ZCCHC7: variants seen among roughly 807,000 people sequenced by gnomAD.
The protein encoded by ZCCHC7 is zinc finger CCHC-type containing 7.
Under a neutral mutation model 52.0 loss-of-function variants are expected in ZCCHC7, and 35 were observed. The ratio of observed to expected loss-of-function variants is 0.67; its 90% CI spans 0.51 to 0.89. The LOEUF (loss-of-function observed/expected upper bound fraction) is 0.89. Among genes scored for constraint, ZCCHC7 ranks in the 40% least tolerant of loss-of-function variants. The pLI, the probability that ZCCHC7 is intolerant of heterozygous loss-of-function variation, is 0.00. For synonymous variants in ZCCHC7, 217 were observed against 221.5 expected (o/e 0.98, Z 0.18); for missense variants, 574 against 649.1 (o/e 0.88, Z 1.26).
rs1842560909 is a variant in ZCCHC7 at position 37,126,908 on chromosome 9, C to G, written c.576C>G (p.Leu192=). ...EVDDKDDDIL[L]NLVGCENSVT... ...ATGATAAAGATGATGATATCCTTCT[C>G]AACCTTGTGGGATGTGAAAACTCTG... The change falls in exon 2 of 9, where the codon CTC becomes CTG. Residue 192 remains leucine (L), a synonymous_variant. Coordinates refer to ENST00000336755, the MANE Select transcript of ZCCHC7 (RefSeq NM_032226.3). 1 of 1,613,866 alleles carries G rather than the reference C, an allele frequency of 6.2e-7. No homozygotes were observed. Among genetic ancestry groups the G allele is most frequent in the African/African-American group, 1.3e-5 (1 of 74,926 alleles).
chr9:37,308,548 G>A (rs745639605), intron 5 of ZCCHC7, among the ~76,000 whole-genome samples: 2 of 151,924 alleles, frequency 1.3e-5, no homozygotes, highest in Non-Finnish European at 2.9e-5. Flanking sequence ...TCTTGATTTT[G>A]GCCTCTAATA....
intron 2 of ZCCHC7, among the ~76,000 whole-genome samples, chr9:37,151,832 A>C (rs942208453): frequency 6.6e-6 from 1 of 151,956 alleles, no homozygotes; most frequent in African/African-American, 2.4e-5. Flanking sequence ...TTTTTCTTCG[A>C]CTCTAAGATG....
intron 2 of ZCCHC7, among the ~76,000 whole-genome samples, chr9:37,176,042 A>G (rs1822007173): frequency 6.6e-6 from 1 of 151,442 alleles, no homozygotes; most frequent in Admixed American, 6.6e-5. Flanking sequence ...ATATTTCTTA[A>G]GCCTCATTTG....
At chr9:37,193,925 C>A (rs1823149985) in intron 2 of ZCCHC7, among the ~76,000 whole-genome samples, 5 of 152,112 alleles carry the variant, frequency 3.3e-5, no homozygotes, top group Admixed American at 3.3e-4. Flanking sequence ...AACCTGATAT[C>A]CTCATCTTTA....
chr9:37,191,881 C>T (rs1447248931), intron 2 of ZCCHC7, among the ~76,000 whole-genome samples: 2 of 152,188 alleles, frequency 1.3e-5, no homozygotes, highest in African/African-American at 2.4e-5. Flanking sequence ...CTAAATTGCT[C>T]CATCTTGTGA....
At chr9:37,336,473 G>A (rs1830666895) in intron 6 of ZCCHC7, among the ~76,000 whole-genome samples, 1 of 152,104 alleles carries the variant, frequency 6.6e-6, no homozygotes, top group African/African-American at 2.4e-5. Flanking sequence ...GTATTACAGT[G>A]GAATAAGCAG....
At chr9:37,143,105 A>AT (rs966755586) in intron 2 of ZCCHC7, among the ~76,000 whole-genome samples, 14 of 149,728 alleles carry the variant, frequency 9.4e-5, no homozygotes, top group Admixed American at 4.0e-4. Context: ...TTGTCAGACA[A>AT]TTTTTTTTTT....
At chr9:37,327,650 A>G in intron 5 of ZCCHC7, 149 bp from the exon 6 acceptor site, 2 of 691,550 alleles carry the variant, frequency 2.9e-6, no homozygotes, top group Non-Finnish European at 4.9e-6. Flanking sequence ...CTGTCTAGCC[A>G]GGTTTTTGAA....
intron 5 of ZCCHC7, among the ~76,000 whole-genome samples, chr9:37,322,003 A>G (rs1830073508): frequency 6.6e-6 from 1 of 152,186 alleles, no homozygotes; most frequent in Non-Finnish European, 1.5e-5. Context: ...GAGGGATGCC[A>G]TCAACATTAG....
intron 2 of ZCCHC7, among the ~76,000 whole-genome samples, chr9:37,179,054 GCATCTTTT>G: frequency 6.6e-6 from 1 of 152,048 alleles, no homozygotes. Flanking sequence ...TGTACTGTTT[GCATCTTTT>G]CCGTAGTATC....
intron 2 of ZCCHC7, among the ~76,000 whole-genome samples, chr9:37,236,274 T>C (rs576854948): frequency 2.0e-5 from 3 of 152,336 alleles, no homozygotes; most frequent in Admixed American, 6.5e-5. Context: ...TGTGGGAAGA[T>C]AACTTTATTG....
At chr9:37,175,604 G>T (rs1225646396) in intron 2 of ZCCHC7, among the ~76,000 whole-genome samples, 1 of 151,916 alleles carries the variant, frequency 6.6e-6, no homozygotes, top group East Asian at 1.9e-4. Context: ...GGGTGTGGTG[G>T]TGCTCGCCTG....
At chr9:37,216,412 C>G (rs987032520) in intron 2 of ZCCHC7, among the ~76,000 whole-genome samples, 2 of 152,162 alleles carry the variant, frequency 1.3e-5, no homozygotes, top group Non-Finnish European at 2.9e-5. Context: ...CGGTGGCTCA[C>G]GCCTGTAATC....
At chr9:37,249,693 CCCTCCTCGG>C (rs1284635637) in intron 2 of ZCCHC7, among the ~76,000 whole-genome samples, 4 of 152,032 alleles carry the variant, frequency 2.6e-5, no homozygotes, top group Non-Finnish European at 5.9e-5. Context: ...TCTTGATCTG[CCCTCCTCGG>C]CCTCCCAAAA....
chr9:37,269,617 T>TA (rs1430886193), intron 2 of ZCCHC7, among the ~76,000 whole-genome samples: 1 of 17,686 alleles, frequency 5.7e-5, no homozygotes, highest in African/African-American at 2.8e-4. Flanking sequence ...AGACTCTGTC[T>TA]CAAAAAAAAA....
intron 2 of ZCCHC7, among the ~76,000 whole-genome samples, chr9:37,207,159 ATTG>A (rs543077539): frequency 3.2e-3 from 492 of 152,292 alleles, no homozygotes; most frequent in Non-Finnish European, 5.4e-3. Flanking sequence ...GTGTCTTCTT[ATTG>A]TTTAGAGTTG....
At chr9:37,164,179 C>T (rs1186673012) in intron 2 of ZCCHC7, among the ~76,000 whole-genome samples, 3 of 151,960 alleles carry the variant, frequency 2.0e-5, no homozygotes, top group Non-Finnish European at 2.9e-5. Context: ...TGGTAGCTCA[C>T]GCCTGTAATC....
At chr9:37,138,118 C>T (rs1843075837) in intron 2 of ZCCHC7, among the ~76,000 whole-genome samples, 1 of 152,198 alleles carries the variant, frequency 6.6e-6, no homozygotes, top group African/African-American at 2.4e-5. Context: ...TGTAGCATGT[C>T]ACCTTACACT....
intron 2 of ZCCHC7, among the ~76,000 whole-genome samples, chr9:37,190,565 G>C (rs993057946): frequency 1.3e-5 from 2 of 152,270 alleles, no homozygotes; most frequent in African/African-American, 4.8e-5. Context: ...TGGATTCAGT[G>C]GAAAAGACAA....
Sources: gnomAD v4.1 joint callset for allele counts (sites outside exome capture counted in the v4.1 genomes callset) on GRCh38, gnomAD v4.1.1 for gene constraint, MANE v1.5 for transcripts, NCBI Gene and HGNC (gene_info 2026-07-23, HGNC 2026-07-21) for gene names.